MPDZ: variants seen among roughly 807,000 people sequenced by gnomAD.
MPDZ encodes multiple PDZ domain protein.
In MPDZ, 234 loss-of-function variants were observed where a neutral mutation model predicts 239.1. The observed-to-expected ratio is 0.98, with a 90% CI of 0.88 to 1.09. The LOEUF is 1.09. MPDZ is among the 50% of genes least tolerant of loss of function. The pLI is 0.00. For synonymous variants in MPDZ, 1,048 were observed against 881.3 expected (o/e 1.19, Z -3.35); for missense variants, 3,175 against 2,510.0 (o/e 1.26, Z -5.66).
chr9:13,262,971 T>C (rs1480766810), intron 1 of MPDZ, among the ~76,000 whole-genome samples: 2 of 152,128 alleles, frequency 1.3e-5, no homozygotes, highest in East Asian at 1.9e-4. Flanking sequence ...AGTGGACAAA[T>C]GGAAGGAGTA....
chr9:13,129,524 G>A (rs1382949845), intron 32 of MPDZ, among the ~76,000 whole-genome samples: 2 of 151,678 alleles, frequency 1.3e-5, no homozygotes, highest in Non-Finnish European at 2.9e-5. Flanking sequence ...AAAACAGGAT[G>A]ACACATAAGA....
chr9:13,129,535 A>G (rs1945634586), intron 32 of MPDZ, among the ~76,000 whole-genome samples: 1 of 152,012 alleles, frequency 6.6e-6, no homozygotes, highest in Non-Finnish European at 1.5e-5. Context: ...ACACATAAGA[A>G]AGGATAACAG....
intron 24 of MPDZ, among the ~76,000 whole-genome samples, chr9:13,154,817 A>G (rs1273795050): frequency 6.6e-6 from 1 of 152,106 alleles, no homozygotes; most frequent in East Asian, 1.9e-4. Context: ...AAAGAGTACC[A>G]TTTTCCACCC....
At chr9:13,216,158 C>T (rs1587864456) in intron 10 of MPDZ, among the ~76,000 whole-genome samples, 1 of 151,458 alleles carries the variant, frequency 6.6e-6, no homozygotes, top group Non-Finnish European at 1.5e-5. Context: ...TTTCAGGCTG[C>T]AGTCTGGGGA....
intron 19 of MPDZ, among the ~76,000 whole-genome samples, chr9:13,178,113 GC>G (rs1952757498): frequency 2.0e-5 from 3 of 152,000 alleles, no homozygotes; most frequent in Admixed American, 1.3e-4. Flanking sequence ...AAAAAAATTA[GC>G]CGGGCGTGGT....
Position 13,205,053 on chromosome 9 carries a change from A to G in MPDZ, c.1529T>C (p.Leu510Ser). ...FLSSTRNTNI[L>S]PTEEEGYPLL... ...GTGTTTACCTTCTTCTTCAGTTGGT[A>G]ATATGTTGGTGTTTCTCGTCGAAGA... is the stretch of plus-strand genomic sequence containing the variant. The change falls in exon 12 of 47, where the codon TTA (leucine) becomes TCA (serine). Residue 510 changes from leucine to serine, a missense_variant. Physicochemically the swap from Leu to Ser is moderately radical, Grantham distance 145. Transcript: ENST00000319217. 1 of 1,463,272 alleles carries G rather than the reference A, an allele frequency of 6.8e-7. No individual in the cohort carries two copies. The highest frequency in any genetic ancestry group is 9.0e-7 in the Non-Finnish European group (1 of 1,110,154). The allele number at this position is 1,463,272 out of a possible 1,614,324, so 90.6% of individuals were successfully genotyped here. A position where few individuals can be genotyped will look rare whatever the true frequency, so the allele number is the denominator to read the frequency against.
In MPDZ at chr9:13,201,389, G is replaced by A. The variant is rs1363672881; in HGVS notation, c.1546+3647C>T. On this transcript the variant is annotated intron_variant, in intron 12 of 46. Coordinates refer to ENST00000319217, the MANE Select transcript of MPDZ (RefSeq NM_001378778.1). ...TATTTTGCTAGTCTGATTATGATGT[G>A]CCTTGGGGATTTCCTCTTTGTATTG... is the stretch of plus-strand genomic sequence containing the variant. 4.0e-5 allele frequency among the ~76,000 whole-genome samples: 6 copies of A among 151,610 alleles called. No individual in the cohort carries two copies. In the East Asian group the frequency reaches 1.2e-3, roughly 29 times the overall value.
intron 27 of MPDZ, 43 bp from the exon 28 acceptor site, chr9:13,140,192 G>C: frequency 6.4e-7 from 1 of 1,565,538 alleles, no homozygotes; most frequent in Admixed American, 1.9e-5. Context: ...ACAGTCTAAG[G>C]AAGAAAACTT....
intron 3 of MPDZ, among the ~76,000 whole-genome samples, chr9:13,233,056 A>G (rs1466205218): frequency 2.6e-5 from 4 of 152,162 alleles, no homozygotes; most frequent in African/African-American, 4.8e-5. Flanking sequence ...ACTAAGTGTG[A>G]GCATTGATGT....
At chr9:13,146,804 G>C (rs531139609) in intron 26 of MPDZ, among the ~76,000 whole-genome samples, 1 of 151,918 alleles carries the variant, frequency 6.6e-6, no homozygotes, top group South Asian at 2.1e-4. Flanking sequence ...TTAAACTCTT[G>C]GCATAATTTT....
At chr9:13,156,355 C>T (rs960252136) in intron 24 of MPDZ, among the ~76,000 whole-genome samples, 6 of 152,164 alleles carry the variant, frequency 3.9e-5, no homozygotes, top group African/African-American at 1.4e-4. Context: ...TAAAGAAATA[C>T]CTGAGACTGG....
Position 13,125,277 on chromosome 9 carries a change from C to T in MPDZ, c.4746G>A (p.Lys1582=). Residue 1582 remains lysine (K), a synonymous_variant, in exon 35 of 47, where the codon AAG becomes AAA. Transcript: ENST00000319217. ...GGACCATCAGAGACTGGGAGCTGTT[C>T]TTTTTTTCTCCACTGGCTGCACCAG... ...SAAGAASGEK[K]NSSQSLMVPQ... 6.2e-7 allele frequency: 1 copy of T among 1,613,488 alleles called. No individual in the cohort carries two copies. The highest frequency in any genetic ancestry group is 1.1e-5 in the South Asian group (1 of 91,042).
chr9:13,181,055 C>T (rs1394270057), intron 19 of MPDZ, among the ~76,000 whole-genome samples: 1 of 152,054 alleles, frequency 6.6e-6, no homozygotes, highest in Non-Finnish European at 1.5e-5. Flanking sequence ...GGCCAAAAGA[C>T]CATTCATCAA....
intron 10 of MPDZ, among the ~76,000 whole-genome samples, chr9:13,212,880 G>C (rs1008877713): frequency 6.6e-6 from 1 of 151,498 alleles, no homozygotes; most frequent in Admixed American, 6.6e-5. Flanking sequence ...AATTACAGGG[G>C]AGAAATACTA....
At chr9:13,245,836 G>A (rs373566690) in intron 3 of MPDZ, among the ~76,000 whole-genome samples, 9 of 151,918 alleles carry the variant, frequency 5.9e-5, no homozygotes, top group East Asian at 5.8e-4. Context: ...TTAATAGGCC[G>A]GCCTATTTGT....
chr9:13,243,672 C>A (rs1965939850), intron 3 of MPDZ, among the ~76,000 whole-genome samples: 1 of 152,128 alleles, frequency 6.6e-6, no homozygotes, highest in Admixed American at 6.5e-5. Context: ...TAATTTTCAA[C>A]CCTGATCCCA....
At chr9:13,227,724 A>C (rs1961085386) in intron 3 of MPDZ, among the ~76,000 whole-genome samples, 1 of 152,180 alleles carries the variant, frequency 6.6e-6, no homozygotes, top group Non-Finnish European at 1.5e-5. Flanking sequence ...GTATAAAAGT[A>C]TTTAATATCA....
intron 21 of MPDZ, among the ~76,000 whole-genome samples, chr9:13,174,351 T>G (rs1952181419): frequency 6.6e-6 from 1 of 152,214 alleles, no homozygotes; most frequent in Non-Finnish European, 1.5e-5. Flanking sequence ...GGATATAGTA[T>G]TAAAATAAAT....
Position 13,175,860 on chromosome 9 carries a change from G to T in MPDZ, c.2947C>A (p.Leu983Ile). The change falls in exon 21 of 47, where the codon CTT (leucine) becomes ATT (isoleucine). Residue 983 changes from leucine to isoleucine, a missense_variant. Coordinates refer to ENST00000319217, the MANE Select transcript of MPDZ (RefSeq NM_001378778.1). Reference protein sequence around the residue: ...DSAGKGSEYLLEQSSLACNAE... With the variant: ...DSAGKGSEYLIEQSSLACNAE... ...TTACAGGCCAGGGAGCTCTGTTCAA[G>T]CAGGTACTCAGAGCCCTTTAAGAAA... 1 of 1,594,454 alleles carries T rather than the reference G, an allele frequency of 6.3e-7. No homozygotes were observed.
Sources: gnomAD v4.1 joint callset for allele counts (sites outside exome capture counted in the v4.1 genomes callset) on GRCh38, gnomAD v4.1.1 for gene constraint, MANE v1.5 for transcripts, NCBI Gene and HGNC (gene_info 2026-07-23, HGNC 2026-07-21) for gene names.